The following LANCL3 variants were observed in gnomAD, a reference collection of about 807,000 sequenced individuals.
LANCL3 encodes the protein LanC like family member 3.
LANCL3 carries 19 observed loss-of-function variants against 26.5 expected under a neutral mutation model. That is an observed-to-expected ratio of 0.72 (90% CI 0.50 to 1.05). LANCL3 has a LOEUF of 1.05. LANCL3 is among the 50% of genes least tolerant of loss of function. The pLI is 0.00. For missense variants in LANCL3, 318 were observed against 362.7 expected, an observed-to-expected ratio of 0.88 and a Z score of 1.00; for synonymous variants, 160 against 166.6, an observed-to-expected ratio of 0.96 and a Z score of 0.30.
intron 1 of LANCL3, among the ~76,000 whole-genome samples, chrX:37,591,433 A>C (rs1324712859): frequency 3.6e-5 from 4 of 111,506 alleles, no homozygotes; most frequent in Non-Finnish European, 7.5e-5. Flanking sequence ...AACAGTGGTT[A>C]GACTCCCAGA....
At chrX:37,634,021 AC>A (rs1925623613) in intron 1 of LANCL3, among the ~76,000 whole-genome samples, 1 of 112,239 alleles carries the variant, frequency 8.9e-6, no homozygotes, top group African/African-American at 3.2e-5. Context: ...GTTTGTCTGT[AC>A]CCTGCCCCCA....
intron 2 of LANCL3, 56 bp downstream of exon 2, chrX:37,655,867 C>T: frequency 1.8e-6 from 2 of 1,089,451 alleles, no homozygotes; most frequent in Non-Finnish European, 1.2e-6. Flanking sequence ...TAAGATACTA[C>T]CAAATAAAGG....
chrX:37,618,066 A>G (rs1925057482), intron 1 of LANCL3, among the ~76,000 whole-genome samples: 1 of 111,621 alleles, frequency 9.0e-6, no homozygotes, highest in Non-Finnish European at 1.9e-5. Context: ...ACTGAAGAAC[A>G]ATGTCCCAGA....
At chrX:37,617,554 A>G (rs1186939861) in intron 1 of LANCL3, among the ~76,000 whole-genome samples, 2 of 111,933 alleles carry the variant, frequency 1.8e-5, no homozygotes, top group Non-Finnish European at 3.8e-5. Context: ...GCCTCCCAGC[A>G]AATCTCCACT....
chrX:37,592,113 A>G (rs1556419049), intron 1 of LANCL3, among the ~76,000 whole-genome samples: 1 of 111,911 alleles, frequency 8.9e-6, no homozygotes, highest in Admixed American at 9.5e-5. Context: ...CTGCACACAC[A>G]TTTAGTTAAC....
Position 37,647,259 on chromosome X carries a change from A to G in LANCL3, c.574-8429A>G, listed in dbSNP as rs782534969. Among the ~76,000 whole-genome samples the G allele has an allele frequency of 1.4e-4, 16 of 111,334 alleles. No individual in the cohort carries two copies. The East Asian group carries it at 4.3e-3, about 30-fold the overall frequency. On this transcript the variant is annotated intron_variant, in intron 1 of 4. Transcript: ENST00000378619. ...AACCTGGGAGACAGAGCTTGCAGTGAGCTGAGATCATGCCACTGCACTCCA... is the reference window on the plus strand; with the variant it reads ...AACCTGGGAGACAGAGCTTGCAGTGGGCTGAGATCATGCCACTGCACTCCA...
intron 1 of LANCL3, among the ~76,000 whole-genome samples, chrX:37,601,089 TG>T (rs1924562828): frequency 1.8e-5 from 2 of 111,747 alleles, no homozygotes; most frequent in Admixed American, 1.9e-4. Context: ...TGCTGTTTGG[TG>T]GGGGAAGAGT....
chrX:37,605,157 A>G (rs1556420414), intron 1 of LANCL3, among the ~76,000 whole-genome samples: 1 of 111,954 alleles, frequency 8.9e-6, no homozygotes, highest in African/African-American at 3.2e-5. Context: ...TGGGCCATTT[A>G]TCCTTACGCC....
intron 1 of LANCL3, among the ~76,000 whole-genome samples, chrX:37,602,184 C>A (rs897307948): frequency 5.4e-5 from 6 of 111,854 alleles, no homozygotes; most frequent in African/African-American, 1.6e-4. Flanking sequence ...TTTGAAGTAA[C>A]AAACTATACC....
Position 37,659,483 on chromosome X carries a change from C to G in LANCL3, c.719C>G (p.Ser240Cys). The G allele has an allele frequency of 8.3e-7, 1 of 1,210,259 alleles. No individual in the cohort carries two copies. The highest frequency in any genetic ancestry group is 1.8e-5 in the South Asian group (1 of 56,827). Reference sequence around the variant, plus strand: ...ACAGGGGCAGCTCACGGCTTGTCGTCTATTCTTCAGATGCTTCTTTCTTAC... The same window carrying G: ...ACAGGGGCAGCTCACGGCTTGTCGTGTATTCTTCAGATGCTTCTTTCTTAC... Reference protein sequence around the residue: ...EYLGAAHGLSSILQMLLSYHE... With the variant: ...EYLGAAHGLSCILQMLLSYHE... The change falls in exon 3 of 5, where the codon TCT becomes TGT. Residue 240 changes from serine to cysteine, a missense_variant. Transcript: ENST00000378619.
At chrX:37,629,851 G>T (rs1206083670) in intron 1 of LANCL3, among the ~76,000 whole-genome samples, 1 of 111,545 alleles carries the variant, frequency 9.0e-6, no homozygotes, top group Non-Finnish European at 1.9e-5. Flanking sequence ...GGTTGCTGTA[G>T]CCTTGTAGTA....
rs1926975840 is a variant in LANCL3, at chrX:37,683,059, A to G, written c.*7246A>G. 8.9e-6 allele frequency: 1 copy of G among 112,035 alleles called. No homozygotes were observed. Among genetic ancestry groups the G allele is most frequent in the South Asian group, 3.7e-4 (1 of 2,690 alleles). 9.2% of individuals were successfully genotyped at this position (112,035 alleles called of 1,213,427 possible). The stretch of plus-strand genomic sequence containing the variant: ...CAAAGCCATATACTGGTGAATATAT[A>G]CTGGGTCAAGCACCACATGTTAGTT... On this transcript the variant is annotated 3_prime_UTR_variant, in exon 5 of 5. Coordinates refer to ENST00000378619, the MANE Select transcript of LANCL3 (RefSeq NM_001170331.2).
chrX:37,633,628 T>A (rs1402652148), intron 1 of LANCL3, among the ~76,000 whole-genome samples: 3 of 111,581 alleles, frequency 2.7e-5, no homozygotes, highest in Non-Finnish European at 5.7e-5. Flanking sequence ...CCTTTCTGTT[T>A]GTTAGTTTTC....
intron 1 of LANCL3, among the ~76,000 whole-genome samples, chrX:37,624,372 G>A (rs1236259223): frequency 9.0e-6 from 1 of 111,551 alleles, no homozygotes. Context: ...CAAATTTCTT[G>A]TTCATGTCCT....
chrX:37,652,950 G>A (rs150556154), intron 1 of LANCL3, among the ~76,000 whole-genome samples: 78 of 111,750 alleles, frequency 7.0e-4, no homozygotes, highest in Non-Finnish European at 1.3e-3. Context: ...CCACACACAG[G>A]CTTTTAATGA....
intron 1 of LANCL3, among the ~76,000 whole-genome samples, chrX:37,625,749 A>T (rs1336767683): frequency 9.1e-6 from 1 of 110,454 alleles, no homozygotes; most frequent in Non-Finnish European, 1.9e-5. Flanking sequence ...ACTTTTCAGT[A>T]CCTCAGTGTT....
At chrX:37,645,945 C>T (rs1569468256) in intron 1 of LANCL3, among the ~76,000 whole-genome samples, 2 of 111,987 alleles carry the variant, frequency 1.8e-5, no homozygotes, top group Non-Finnish European at 3.8e-5. Flanking sequence ...GGACTCTCCC[C>T]ATCATCCAAT....
chrX:37,591,180 G>A (rs1924262804), intron 1 of LANCL3, among the ~76,000 whole-genome samples: 1 of 111,888 alleles, frequency 8.9e-6, no homozygotes, highest in South Asian at 3.7e-4. Flanking sequence ...TAGTAAAGTA[G>A]TAGAACCCAC....
intron 4 of LANCL3, among the ~76,000 whole-genome samples, chrX:37,675,300 C>T (rs1926768662): frequency 1.8e-5 from 2 of 112,136 alleles, no homozygotes; most frequent in Admixed American, 9.5e-5. Context: ...GGAACAGTCA[C>T]GTATCACTTT....
Sources: gnomAD v4.1 joint callset for allele counts (sites outside exome capture counted in the v4.1 genomes callset) on GRCh38, gnomAD v4.1.1 for gene constraint, MANE v1.5 for transcripts, NCBI Gene and HGNC (gene_info 2026-07-23, HGNC 2026-07-21) for gene names.